Variants in UTRN observed in about 807,000 individuals in gnomAD.
UTRN encodes the protein dystrophin-related protein 1.
A neutral mutation model predicts 463.9 loss-of-function variants in UTRN; 283 were observed. That is an observed-to-expected ratio of 0.61 (90% confidence interval 0.55 to 0.67). The LOEUF (loss-of-function observed/expected upper bound fraction) is 0.67. Ranked by LOEUF, UTRN falls within the 30% of genes least tolerant of loss-of-function variation. UTRN has a pLI of 0.00. For synonymous variants in UTRN, 1,442 were observed against 1,431.5 expected (o/e 1.01, Z -0.17); for missense variants, 3,922 against 4,084.3 (o/e 0.96, Z 1.08).
intron 60 of UTRN, among the ~76,000 whole-genome samples, chr6:144,776,057 C>T (rs142196844): frequency 8.2e-4 from 125 of 152,300 alleles, no homozygotes; most frequent in African/African-American, 2.9e-3. Flanking sequence ...TTTCCTACAG[C>T]CTTCTCCCAC....
At chr6:144,348,896 T>G (rs1777840783) in intron 2 of UTRN, among the ~76,000 whole-genome samples, 1 of 151,868 alleles carries the variant, frequency 6.6e-6, no homozygotes, top group Non-Finnish European at 1.5e-5. Flanking sequence ...GTTGCGCCAT[T>G]GCACTCTAGC....
intron 50 of UTRN, among the ~76,000 whole-genome samples, chr6:144,558,913 C>T (rs996058589): frequency 6.6e-5 from 10 of 151,906 alleles, no homozygotes; most frequent in African/African-American, 2.4e-4. Flanking sequence ...ACAGTAAGTA[C>T]GATGAATAAA....
chr6:144,542,656 G>C, intron 45 of UTRN, 139 bp from the exon 46 acceptor site: 1 of 762,346 alleles, frequency 1.3e-6, no homozygotes, highest in Non-Finnish European at 2.1e-6. Flanking sequence ...AATGGAGAGT[G>C]AAGGTAGAGC....
At chr6:144,467,630 G>C (rs1481257439) in intron 23 of UTRN, among the ~76,000 whole-genome samples, 1 of 152,150 alleles carries the variant, frequency 6.6e-6, no homozygotes, top group Non-Finnish European at 1.5e-5. Context: ...GGGCGTGCTG[G>C]AGCTCCAACA....
At chr6:144,376,310 C>T (rs1413462300) in intron 2 of UTRN, among the ~76,000 whole-genome samples, 2 of 152,068 alleles carry the variant, frequency 1.3e-5, no homozygotes, top group Non-Finnish European at 2.9e-5. Flanking sequence ...TAACAATTAG[C>T]TGGGTGTGGT....
At chr6:144,301,144 G>A (rs752591051) in intron 2 of UTRN, among the ~76,000 whole-genome samples, 9 of 151,854 alleles carry the variant, frequency 5.9e-5, no homozygotes, top group East Asian at 1.9e-4. Context: ...AGAAAATGCC[G>A]TATTAGCAAA....
intron 2 of UTRN, among the ~76,000 whole-genome samples, chr6:144,320,300 TTATTAC>T (rs1388366415): frequency 6.6e-6 from 1 of 152,208 alleles, no homozygotes; most frequent in African/African-American, 2.4e-5. Context: ...TTTGTTATTA[TTATTAC>T]TATTACTATT....
chr6:144,732,231 T>TACAC (rs1562832198), intron 54 of UTRN, among the ~76,000 whole-genome samples: 2 of 29,734 alleles, frequency 6.7e-5, no homozygotes, highest in African/African-American at 2.3e-4. Flanking sequence ...TATATATATA[T>TACAC]ATATATACAT....
chr6:144,474,430 C>T (rs551817737), intron 24 of UTRN, among the ~76,000 whole-genome samples, 174 bp from the exon 25 acceptor site: 2 of 152,218 alleles, frequency 1.3e-5, no homozygotes, highest in African/African-American at 4.8e-5. Context: ...ATGGCTATAT[C>T]AAGCACCCAG....
At chr6:144,631,426 AAAG>A (rs145595884) in intron 51 of UTRN, among the ~76,000 whole-genome samples, 2 of 152,294 alleles carry the variant, frequency 1.3e-5, no homozygotes, top group East Asian at 3.9e-4. Context: ...GGGAGTTTGG[AAAG>A]AAGTTTTAGT....
At chr6:144,305,476 AAAT>A (rs1326355010) in intron 2 of UTRN, among the ~76,000 whole-genome samples, 2 of 152,246 alleles carry the variant, frequency 1.3e-5, no homozygotes, top group East Asian at 3.8e-4. Context: ...AATTAATATG[AAAT>A]AATGCTGATT....
chr6:144,557,800 A>G (rs977716733), intron 50 of UTRN, among the ~76,000 whole-genome samples: 1 of 152,142 alleles, frequency 6.6e-6, no homozygotes, highest in East Asian at 1.9e-4. Flanking sequence ...TTAATTTACT[A>G]TCTTTTTTCC....
chr6:144,474,844 T>C, intron 25 of UTRN, 85 bp downstream of exon 25: 1 of 1,457,022 alleles, frequency 6.9e-7, no homozygotes, highest in Non-Finnish European at 9.2e-7. Flanking sequence ...TTATGACCCA[T>C]CCAGTTTGAA....
chr6:144,585,783 T>C (rs1802411194), intron 51 of UTRN, among the ~76,000 whole-genome samples: 1 of 152,148 alleles, frequency 6.6e-6, no homozygotes, highest in Admixed American at 6.6e-5. Flanking sequence ...TTGTAAATGC[T>C]GTCTTGACTT....
chr6:144,419,163 C>G (rs1784613783), intron 3 of UTRN, among the ~76,000 whole-genome samples: 1 of 152,214 alleles, frequency 6.6e-6, no homozygotes. Flanking sequence ...CTTTTACTGA[C>G]AGTGGGTAGC....
At chr6:144,635,535 C>CTTTTTTTTTT (rs1219903798) in intron 51 of UTRN, among the ~76,000 whole-genome samples, 23 of 33,154 alleles carry the variant, frequency 6.9e-4, no homozygotes, top group South Asian at 1.1e-3. Context: ...TTTTTCTTTT[C>CTTTTTTTTTT]TTTTTTTTTT....
intron 66 of UTRN, 72 bp from the exon 67 acceptor site, chr6:144,827,276 C>T (rs1318618040): frequency 1.8e-5 from 28 of 1,568,884 alleles, no homozygotes; most frequent in Non-Finnish European, 2.4e-5. Context: ...CCCCACACCC[C>T]CACTGCTTTT....
At chr6:144,528,648 G>A (rs899763790) in intron 41 of UTRN, among the ~76,000 whole-genome samples, 6 of 152,236 alleles carry the variant, frequency 3.9e-5, no homozygotes, top group Non-Finnish European at 2.9e-5. Flanking sequence ...GATGTGATGT[G>A]ATCTGTCTTC....
intron 52 of UTRN, among the ~76,000 whole-genome samples, chr6:144,691,112 A>C (rs1021022804): frequency 6.6e-6 from 1 of 152,126 alleles, no homozygotes; most frequent in African/African-American, 2.4e-5. Context: ...ACAATATTTC[A>C]ACTTGATTAT....
Sources: gnomAD v4.1 joint callset for allele counts (sites outside exome capture counted in the v4.1 genomes callset) on GRCh38, gnomAD v4.1.1 for gene constraint, MANE v1.5 for transcripts, NCBI Gene and HGNC (gene_info 2026-07-23, HGNC 2026-07-21) for gene names.